Variants in MZT2A observed in about 807,000 individuals in gnomAD.
The protein encoded by MZT2A is mitotic-spindle organizing protein 2A.
In MZT2A, 8 loss-of-function variants were observed where a neutral mutation model predicts 12.4. That is an observed-to-expected ratio of 0.64 (90% confidence interval 0.38 to 1.16). The LOEUF is 1.16. Among genes scored for constraint, MZT2A ranks in the 50% most tolerant of loss-of-function variants. The probability of loss-of-function intolerance (pLI) is 0.01; values close to 1 mark genes in which losing one functional copy is unlikely to be tolerated. For synonymous variants in MZT2A, 88 were observed against 107.5 expected, an observed-to-expected ratio of 0.82 and a Z score of 1.12; for missense variants, 181 against 223.6, an observed-to-expected ratio of 0.81 and a Z score of 1.22.
chr2:131,471,007 C>T (rs1268054646), intron 3 of MZT2A, among the ~76,000 whole-genome samples: 1 of 140,014 alleles, frequency 7.1e-6, no homozygotes, highest in Non-Finnish European at 1.5e-5. Context: ...CCAACCTTAC[C>T]ACTTGCTGCA....
chr2:131,490,363 G>T, intron 2 of MZT2A: 1 of 1,083,466 alleles, frequency 9.2e-7, no homozygotes, highest in Non-Finnish European at 1.1e-6. Context: ...CTAAGAGGCC[G>T]AGGCGTTTGT....
At chr2:131,492,967 G>A (rs1679411552), upstream of MZT2A, 5 of 1,522,272 alleles carry the variant, frequency 3.3e-6, no homozygotes, top group South Asian at 6.0e-5. Flanking sequence ...CCGGCCGGCC[G>A]GCCTTCTTCG....
chr2:131,478,057 C>T, intron 2 of MZT2A: 1 of 1,446,722 alleles, frequency 6.9e-7, no homozygotes, highest in South Asian at 1.4e-5. Context: ...TGTGAAAGCG[C>T]CAGATACTGA....
At chr2:131,482,870 C>A, downstream of MZT2A, 1 of 1,601,786 alleles carries the variant, frequency 6.2e-7, no homozygotes, top group Non-Finnish European at 8.5e-7. Flanking sequence ...GGTGGGTTCT[C>A]CCCTGCCACC....
chr2:131,484,140 C>G lies in MZT2A; in HGVS notation c.398G>C (p.Arg133Thr), dbSNP rs140978531. 276 of 1,614,134 alleles carry G rather than the reference C, an allele frequency of 1.7e-4. No individual in the cohort carries two copies. In the African/African-American group the frequency reaches 3.2e-3, roughly 19 times the overall value. The change falls in exon 3 of 3, where the codon AGG (arginine) becomes ACG (threonine). Residue 133 changes from arginine to threonine, a missense_variant. Around this residue, in one of 3 missense-constraint regions of MZT2A, gnomAD observed 72 missense variants for 76.9 expected, o/e 0.94. Transcript: ENST00000309451. Reference sequence around the variant, plus strand: ...GGTAGCGCTGGGCTGGCGTGGCATCCTCTGGCTGGATCCCTCGTGGTTGCT... The same window carrying G: ...GGTAGCGCTGGGCTGGCGTGGCATCGTCTGGCTGGATCCCTCGTGGTTGCT... ...ERSNHEGSSQ[R>T]MPRQPSATRL...
Position 131,477,305 on chromosome 2 carries a change from G to C in MZT2A, c.279-5123C>G, listed in dbSNP as rs117315766. ...TCACCTCAGCCTTCTAAAGTGCTGG[G>C]ATTATAGGAATGAGCCACCACACCC... On this transcript the variant is annotated intron_variant and NMD_transcript_variant, in intron 2 of 4. Coordinates refer to the MZT2A transcript ENST00000427024. Among the ~76,000 whole-genome samples, 74 of 152,222 alleles carry C rather than the reference G, an allele frequency of 4.9e-4. No homozygotes were observed. The East Asian group carries it at 9.1e-3, about 19-fold the overall frequency.
At chr2:131,492,861 T>C (rs1459110880), upstream of MZT2A, 9 of 1,490,508 alleles carry the variant, frequency 6.0e-6, 1 homozygote, top group Non-Finnish European at 7.2e-6. Flanking sequence ...GCGTGAGCCC[T>C]ACCTTGGGGC....
At chr2:131,482,713 C>G, downstream of MZT2A, 2 of 1,614,170 alleles carry the variant, frequency 1.2e-6, no homozygotes, top group Non-Finnish European at 8.5e-7. Flanking sequence ...CCTTTGTGCA[C>G]TGGTACGTGG....
chr2:131,490,364 A>C, intron 2 of MZT2A: 1 of 1,090,284 alleles, frequency 9.2e-7, no homozygotes, highest in South Asian at 2.4e-5. Flanking sequence ...TAAGAGGCCG[A>C]GGCGTTTGTC....
chr2:131,469,976 G>T (rs373299402), intron 4 of MZT2A: 16,472 of 240,112 alleles, frequency 0.069, 2,726 homozygotes, highest in African/African-American at 0.38. Flanking sequence ...GTTAATTTTT[G>T]CATTTTTAAT....
downstream of MZT2A, chr2:131,480,711 A>G (rs893116291): frequency 3.1e-6 from 5 of 1,611,836 alleles, no homozygotes; most frequent in African/African-American, 4.0e-5. Context: ...GACCAAGCGC[A>G]CCATCCAGTT....
In MZT2A at chr2:131,491,989, G is replaced by C. The variant is rs1410228768; in HGVS notation, c.206C>G (p.Pro69Arg). The change falls in exon 2 of 3, where the codon CCC becomes CGC. Residue 69 changes from proline (P) to arginine (R), a missense_variant. This residue lies in a region of MZT2A where 106 missense variants were observed against 127.2 expected (regional missense o/e 0.83). Coordinates refer to ENST00000309451, the MANE Select transcript of MZT2A (RefSeq NM_001085365.2). Reference sequence around the variant, plus strand: ...CTTGAGCATCTGGAAGACGGCGAGGGGGGCCACGTTCAGCTTCAGCAGGTC... The same window carrying C: ...CTTGAGCATCTGGAAGACGGCGAGGCGGGCCACGTTCAGCTTCAGCAGGTC... ...LVDLLKLNVA[P>R]LAVFQMLKSM... The C allele has an allele frequency of 3.9e-6, 6 of 1,550,778 alleles. No individual in the cohort carries two copies. Among genetic ancestry groups the C allele is most frequent in the East Asian group, 2.4e-5 (1 of 41,476 alleles).
At chr2:131,475,343 T>G (rs1004823708) in intron 2 of MZT2A, among the ~76,000 whole-genome samples, 3 of 123,446 alleles carry the variant, frequency 2.4e-5, no homozygotes, top group South Asian at 2.4e-4. Context: ...TTTTTTTTTT[T>G]TTGAAACGGA....
intron 2 of MZT2A, chr2:131,489,849 A>AGTGT: frequency 1.0e-6 from 1 of 962,790 alleles, no homozygotes; most frequent in Non-Finnish European, 1.2e-6. Context: ...CACTGGACTG[A>AGTGT]GTGTGATCAT....
At chr2:131,482,777 C>A, downstream of MZT2A, 1 of 1,614,146 alleles carries the variant, frequency 6.2e-7, no homozygotes, top group Non-Finnish European at 8.5e-7. Flanking sequence ...CCTGGCAGCT[C>A]TAGAGAAGGA....
At chr2:131,491,339 G>A in intron 2 of MZT2A, 1 of 279,502 alleles carries the variant, frequency 3.6e-6, no homozygotes, top group Admixed American at 4.9e-5. Flanking sequence ...CAGGAACTGG[G>A]CCCAGGTGGG....
At position 131,492,358 on chromosome 2, in the gene MZT2A, C is replaced by CT. The variant is rs1328340091; in HGVS notation, c.18dup (p.Gly7ArgfsTer175). 6.4e-6 allele frequency: 9 copies of CT among 1,396,208 alleles called. No individual in the cohort carries two copies. Among genetic ancestry groups the CT allele is most frequent in the Admixed American group, 3.3e-5 (1 of 29,872 alleles). The allele number at this position is 1,396,208 out of a possible 1,614,324, so 86.5% of individuals were successfully genotyped here. A position where few individuals can be genotyped will look rare whatever the true frequency, so the allele number is the denominator to read the frequency against. ...GGCGCCGCCGACCCCGGCCCAGGCC[C>CT]TACGCCCTGCGCCGCCATCCGCGAG... On this transcript the variant is annotated frameshift_variant, in exon 1 of 3. Transcript: ENST00000309451. LOFTEE classifies it high-confidence loss of function.
chr2:131,489,069 C>T (rs1379130879), intron 2 of MZT2A, among the ~76,000 whole-genome samples: 2 of 152,224 alleles, frequency 1.3e-5, no homozygotes, highest in African/African-American at 4.8e-5. Context: ...CCATGCCCTC[C>T]CACTGCCCCA....
chr2:131,490,317 A>G (rs1290900692), intron 2 of MZT2A: 74 of 1,030,508 alleles, frequency 7.2e-5, no homozygotes, highest in Non-Finnish European at 8.8e-5. Context: ...TCTCTGTTTC[A>G]GCCTCCAGAC....
Sources: gnomAD v4.1 joint callset for allele counts (sites outside exome capture counted in the v4.1 genomes callset) on GRCh38, gnomAD v4.1.1 for gene constraint, gnomAD v4.1.1 regional missense constraint, MANE v1.5 for transcripts, NCBI Gene and HGNC (gene_info 2026-07-23, HGNC 2026-07-21) for gene names.